ACTR3C: variants seen among roughly 807,000 people sequenced by gnomAD.
ACTR3C encodes the protein actin-related protein 3C.
A neutral mutation model predicts 26.3 loss-of-function variants in ACTR3C; 18 were observed. That is an observed-to-expected ratio of 0.68 (90% CI 0.47 to 1.01). The LOEUF (loss-of-function observed/expected upper bound fraction) is 1.01. Ranked by LOEUF, ACTR3C falls within the 50% of genes least tolerant of loss-of-function variation. ACTR3C has a pLI of 0.00. For missense variants in ACTR3C, 184 were observed against 250.7 expected, an observed-to-expected ratio of 0.73 and a Z score of 1.80; for synonymous variants, 55 against 94.5, an observed-to-expected ratio of 0.58 and a Z score of 2.42.
At chr7:149,974,601 A>G in the ACTR3C span, among the ~76,000 whole-genome samples, 1 of 152,098 alleles carries the variant, frequency 6.6e-6, no homozygotes, top group Non-Finnish European at 1.5e-5. Flanking sequence ...TGCACAGGGG[A>G]TGATGTGGTG....
the ACTR3C span, among the ~76,000 whole-genome samples, chr7:150,042,335 C>A: frequency 9.0e-6 from 1 of 111,280 alleles, no homozygotes; most frequent in Non-Finnish European, 1.9e-5. Flanking sequence ...CAGTCCCTGC[C>A]TCGCGGGGGG....
the ACTR3C span, among the ~76,000 whole-genome samples, chr7:150,204,352 A>T: frequency 6.8e-6 from 1 of 146,890 alleles, no homozygotes; most frequent in Non-Finnish European, 1.5e-5. Flanking sequence ...AGTGAACTAC[A>T]TGGGGGAATC....
At chr7:150,254,368 T>C (rs1326870990) in intron 6 of ACTR3C, among the ~76,000 whole-genome samples, 1 of 152,228 alleles carries the variant, frequency 6.6e-6, no homozygotes, top group Non-Finnish European at 1.5e-5. Context: ...TTCTTTGAGA[T>C]ATAAAAAAGC....
At chr7:150,182,091 T>C in the ACTR3C span, among the ~76,000 whole-genome samples, 1 of 150,714 alleles carries the variant, frequency 6.6e-6, no homozygotes, top group South Asian at 2.1e-4. Context: ...CTTTCCTCCT[T>C]ACTAAGTGTC....
chr7:150,291,463 G>A (rs867767022), intron 3 of ACTR3C, among the ~76,000 whole-genome samples: 23 of 151,918 alleles, frequency 1.5e-4, no homozygotes, highest in South Asian at 4.2e-4. Context: ...AAGACTATAC[G>A]GCTAAAAGTA....
intron 6 of ACTR3C, among the ~76,000 whole-genome samples, chr7:150,255,573 G>C (rs1584844518): frequency 6.6e-6 from 1 of 152,250 alleles, no homozygotes; most frequent in East Asian, 1.9e-4. Flanking sequence ...AGGTTGCCCA[G>C]GGAGCCCAGT....
chr7:149,918,952 C>T, the ACTR3C span, among the ~76,000 whole-genome samples: 13,510 of 152,046 alleles, frequency 0.089, 783 homozygotes, highest in East Asian at 0.22. Flanking sequence ...GTGCGGACAG[C>T]CCAAAATACT....
At chr7:150,140,025 C>G in the ACTR3C span, among the ~76,000 whole-genome samples, 1 of 148,340 alleles carries the variant, frequency 6.7e-6, no homozygotes, top group Non-Finnish European at 1.5e-5. Flanking sequence ...TGCACACACA[C>G]GTACACACAT....
intron 6 of ACTR3C, among the ~76,000 whole-genome samples, chr7:150,272,263 A>C (rs1316196603): frequency 7.2e-6 from 1 of 139,034 alleles, no homozygotes; most frequent in East Asian, 2.0e-4. Context: ...ACACAAGGAG[A>C]CGTCCCCCGA....
the ACTR3C span, among the ~76,000 whole-genome samples, chr7:150,097,836 T>C: frequency 6.6e-6 from 1 of 151,346 alleles, no homozygotes; most frequent in Non-Finnish European, 1.5e-5. Context: ...TGTTACCAAC[T>C]CTCTCAGTCA....
the ACTR3C span, among the ~76,000 whole-genome samples, chr7:150,131,786 A>C: frequency 6.6e-6 from 1 of 152,258 alleles, no homozygotes; most frequent in Non-Finnish European, 1.5e-5. Context: ...TACTCATAAT[A>C]GCCACAAAGT....
chr7:150,038,396 G>C, the ACTR3C span, among the ~76,000 whole-genome samples: 2 of 141,916 alleles, frequency 1.4e-5, no homozygotes, highest in East Asian at 3.9e-4. Flanking sequence ...CGGGTGGGCT[G>C]CCAGAAGATT....
the ACTR3C span, among the ~76,000 whole-genome samples, chr7:150,053,377 T>TA: frequency 6.6e-6 from 1 of 152,178 alleles, no homozygotes; most frequent in African/African-American, 2.4e-5. Context: ...CCTTCAATGT[T>TA]AAAGTGATAG....
chr7:150,059,588 G>A, the ACTR3C span, among the ~76,000 whole-genome samples: 1 of 152,098 alleles, frequency 6.6e-6, no homozygotes, highest in African/African-American at 2.4e-5. Context: ...GAAAGAGGAG[G>A]GTAGAGGAAG....
At chr7:150,265,795 T>C (rs1833994043) in intron 6 of ACTR3C, among the ~76,000 whole-genome samples, 1 of 152,164 alleles carries the variant, frequency 6.6e-6, no homozygotes, top group African/African-American at 2.4e-5. Context: ...TAGAGTGTTT[T>C]TATTTATCGT....
chr7:149,920,558 C>T, the ACTR3C span, among the ~76,000 whole-genome samples: 16 of 152,126 alleles, frequency 1.1e-4, no homozygotes, highest in South Asian at 1.5e-3. Context: ...AGCAATCCTC[C>T]TGCCTTGGCC....
chr7:150,316,537 GTGCAGTGGCGCGATCTCAGCTCAC>G (rs1180460156), intron 1 of ACTR3C, among the ~76,000 whole-genome samples: 1 of 143,090 alleles, frequency 7.0e-6, no homozygotes, highest in Non-Finnish European at 1.5e-5. Flanking sequence ...CCAGGCGGGA[GTGCAGTGGCGCGATCTCAGCTCAC>G]TGCAACCTCT....
At chr7:149,891,749 C>T in the ACTR3C span, among the ~76,000 whole-genome samples, 1 of 117,954 alleles carries the variant, frequency 8.5e-6, no homozygotes, top group African/African-American at 2.7e-5. Flanking sequence ...TGCTTGAGCT[C>T]AGGAGGTCGA....
downstream of ACTR3C, chr7:150,244,220 G>C (rs1782081256): frequency 1.6e-4 from 2 of 12,756 alleles, no homozygotes; most frequent in Non-Finnish European, 2.5e-4. Context: ...TTAGAATATT[G>C]AATATTCAAT....
Sources: allele counts gnomAD v4.1 joint callset (sites outside exome capture counted in the v4.1 genomes callset), GRCh38; gene constraint gnomAD v4.1.1; transcripts MANE v1.5; gene names NCBI Gene and HGNC (gene_info 2026-07-23, HGNC 2026-07-21).